The following POLK variants were observed in gnomAD, a reference collection of about 807,000 sequenced individuals.
The protein encoded by POLK is polymerase (DNA directed) kappa.
Under a neutral mutation model 94.0 loss-of-function variants are expected in POLK, and 76 were observed. The ratio of observed to expected loss-of-function variants is 0.81; its 90% CI spans 0.67 to 0.98. The LOEUF is 0.98. Ranked by LOEUF, POLK falls within the 50% of genes least tolerant of loss-of-function variation. The pLI, the probability that POLK is intolerant of heterozygous loss-of-function variation, is 0.00. For missense variants in POLK, 954 were observed against 1,010.1 expected (o/e 0.94, Z 0.75); for synonymous variants, 349 against 325.4 (o/e 1.07, Z -0.78).
At position 75,549,075 on chromosome 5, in the gene POLK, G is replaced by GTTAAATC. The variant is rs71756251; in HGVS notation, c.135+1920_135+1926dup. Among the ~76,000 whole-genome samples, 575 of 152,228 alleles carry GTTAAATC rather than the reference G, an allele frequency of 3.8e-3. 26 individuals carry two copies. In the East Asian group the frequency reaches 0.066, roughly 18 times the overall value. Reference sequence around the variant, plus strand: ...CATATACAGTAAAATGTTAACAGCTGTTAAATCTGAGTGATAGTTTTATAT... The same window carrying GTTAAATC: ...CATATACAGTAAAATGTTAACAGCTGTTAAATCTTAAATCTGAGTGATAGTTTTATAT... On this transcript the variant is annotated intron_variant, in intron 2 of 14. Coordinates refer to ENST00000241436, the Ensembl canonical transcript of POLK.
intron 7 of POLK, 110 bp downstream of exon 7, chr5:75,581,558 C>G (rs1451378408): frequency 5.5e-6 from 5 of 913,164 alleles, no homozygotes; most frequent in Non-Finnish European, 8.3e-6. Flanking sequence ...ATTTTACTTA[C>G]TTAGTCTTTC....
At chr5:75,511,053 G>A (rs1580880400), upstream of POLK, 3 of 1,467,714 alleles carry the variant, frequency 2.0e-6, no homozygotes, top group Middle Eastern at 1.9e-4. Flanking sequence ...CCGCCTCAGC[G>A]GATTGCCTCG....
chr5:75,608,740 A>G, the POLK span: 1 of 152,220 alleles, frequency 6.6e-6, no homozygotes, highest in Non-Finnish European at 1.5e-5. Flanking sequence ...AAAATTCGGA[A>G]GTGGAGGTGG....
chr5:75,585,910 A>G (rs2083165640), intron 9 of POLK, among the ~76,000 whole-genome samples: 1 of 152,202 alleles, frequency 6.6e-6, no homozygotes, highest in East Asian at 1.9e-4. Flanking sequence ...CAGAGATTGC[A>G]AGGCTTGTTG....
chr5:75,533,992 G>A (rs902579540), intron 1 of POLK, among the ~76,000 whole-genome samples: 6 of 152,090 alleles, frequency 3.9e-5, no homozygotes, highest in Admixed American at 2.0e-4. Flanking sequence ...GGAGCTGGGC[G>A]TGGTGGCTCA....
chr5:75,547,073 T>C, exon 2 of POLK: 3 of 1,527,780 alleles, frequency 2.0e-6, no homozygotes, highest in African/African-American at 2.8e-5. Context: ...ATCTTCTGCT[T>C]AGGATGGGAC....
At chr5:75,542,190 G>C (rs2112613828) in intron 1 of POLK, among the ~76,000 whole-genome samples, 1 of 152,132 alleles carries the variant, frequency 6.6e-6, no homozygotes, top group East Asian at 1.9e-4. Context: ...AGTATATAAA[G>C]GTTTTCTGAG....
At chr5:75,521,429 A>G (rs1768580818) in intron 1 of POLK, among the ~76,000 whole-genome samples, 1 of 152,110 alleles carries the variant, frequency 6.6e-6, no homozygotes, top group Non-Finnish European at 1.5e-5. Flanking sequence ...CAGTTCCACC[A>G]AGATTTGTTT....
intron 11 of POLK, among the ~76,000 whole-genome samples, chr5:75,591,162 T>C (rs927426657): frequency 2.0e-5 from 3 of 152,124 alleles, no homozygotes; most frequent in Non-Finnish European, 4.4e-5. Context: ...AGAGAATAAT[T>C]TGAATGTTTC....
chr5:75,596,661 T>C (rs765088507), exon 13 of POLK: 1 of 1,614,098 alleles, frequency 6.2e-7, no homozygotes, highest in South Asian at 1.1e-5. Flanking sequence ...GTGAAAACTT[T>C]AAAATGTTCT....
At chr5:75,591,251 A>G (rs1277071687) in intron 11 of POLK, among the ~76,000 whole-genome samples, 1 of 152,178 alleles carries the variant, frequency 6.6e-6, no homozygotes, top group Non-Finnish European at 1.5e-5. Context: ...GATCAAAACT[A>G]TGAGGTACAT....
intron 3 of POLK, among the ~76,000 whole-genome samples, chr5:75,557,406 A>G (rs900979344): frequency 2.6e-5 from 4 of 152,238 alleles, no homozygotes; most frequent in African/African-American, 9.6e-5. Flanking sequence ...TTGAGTGTAT[A>G]GATGAAGTTG....
At chr5:75,609,719 A>G in the POLK span, 1 of 152,290 alleles carries the variant, frequency 6.6e-6, no homozygotes, top group African/African-American at 2.4e-5. Context: ...TATCTCTATT[A>G]CAAACATTAG....
chr5:75,516,246 A>G (rs1423173543), intron 1 of POLK, among the ~76,000 whole-genome samples: 4 of 152,026 alleles, frequency 2.6e-5, no homozygotes, highest in Non-Finnish European at 4.4e-5. Flanking sequence ...TAATTTGTCT[A>G]CGTTTGCTTT....
exon 13 of POLK, chr5:75,596,509 A>T (rs778476117): frequency 1.1e-5 from 18 of 1,614,066 alleles, no homozygotes; most frequent in Non-Finnish European, 1.4e-5. Context: ...AAAGAAGAAG[A>T]TGAATGAGAA....
chr5:75,586,875 T>C (rs1324458638), intron 9 of POLK, 151 bp from the exon 10 acceptor site: 7 of 572,016 alleles, frequency 1.2e-5, no homozygotes, highest in Non-Finnish European at 2.2e-5. Flanking sequence ...TTTGGTGATT[T>C]GTTTTTAGAT....
rs763426429 is a variant in POLK, at chr5:75,597,741, C to T, written c.2486-6C>T. On this transcript the variant is annotated splice_region_variant and splice_polypyrimidine_tract_variant and intron_variant, in intron 13 of 14. Transcript: ENST00000241436. ...ATGGAATTTCTTGACTTTCTTTCCT[C>T]TAAAGGTAGCTCAAGTGGAGTACAG... 2.7e-6 allele frequency: 4 copies of T among 1,464,234 alleles called. No individual in the cohort carries two copies. The Admixed American group carries it at 9.2e-5, about 34-fold the overall frequency. The allele number at this position is 1,464,234 out of a possible 1,614,324, so 90.7% of individuals were successfully genotyped here.
In POLK at chr5:75,600,481, T is replaced by A. The variant is rs971898041; in HGVS notation, c.*2463T>A. 4 of 152,242 alleles carry A rather than the reference T, an allele frequency of 2.6e-5. No individual in the cohort carries two copies. The East Asian group carries it at 7.7e-4, about 29-fold the overall frequency. The allele number at this position is 152,242 out of a possible 1,614,324, so 9.4% of individuals were successfully genotyped here. On this transcript the variant is annotated 3_prime_UTR_variant, in exon 15 of 15. Coordinates refer to ENST00000241436, the Ensembl canonical transcript of POLK. ...GGTTATCTTTCATTACAGTTATTTTTTTCCCTGTCAGGACCCTAACTAATA... is the reference window on the plus strand; with the variant it reads ...GGTTATCTTTCATTACAGTTATTTTATTCCCTGTCAGGACCCTAACTAATA...
intron 3 of POLK, 137 bp downstream of exon 3, chr5:75,552,728 T>C (rs1770396321): frequency 1.1e-6 from 1 of 896,400 alleles, no homozygotes; most frequent in South Asian, 1.9e-5. Context: ...ATTCAGCAAA[T>C]GAACATACTT....
Sources: gnomAD v4.1 joint callset for allele counts (sites outside exome capture counted in the v4.1 genomes callset) on GRCh38, gnomAD v4.1.1 for gene constraint, MANE v1.5 for transcripts, NCBI Gene and HGNC (gene_info 2026-07-23, HGNC 2026-07-21) for gene names.